The following SOX5 variants were observed in gnomAD, a reference collection of about 807,000 sequenced individuals.
SOX5 encodes the protein transcription factor SOX-5.
SOX5 carries 9 observed loss-of-function variants against 92.0 expected under a neutral mutation model. That is an observed-to-expected ratio of 0.10 (90% CI 0.06 to 0.17). SOX5 has a LOEUF of 0.17. Ranked by LOEUF, SOX5 falls within the 10% of genes least tolerant of loss-of-function variation. The pLI is 1.00. For synonymous variants in SOX5, 344 were observed against 336.3 expected (o/e 1.02, Z -0.25); for missense variants, 642 against 944.5 (o/e 0.68, Z 4.20).
chr12:24,546,397 T>A (rs1952627458), intron 1 of SOX5, among the ~76,000 whole-genome samples: 1 of 152,182 alleles, frequency 6.6e-6, no homozygotes, highest in Non-Finnish European at 1.5e-5. Flanking sequence ...CACGACAGAA[T>A]CTAGTGAGTA....
intron 4 of SOX5, among the ~76,000 whole-genome samples, chr12:24,114,573 C>CAAAAAAAAAAAAAAAAAAA (rs55913110): frequency 4.4e-4 from 18 of 40,596 alleles, no homozygotes; most frequent in African/African-American, 8.5e-4. Flanking sequence ...CACCCCGTCA[C>CAAAAAAAAAAAAAAAAAAA]AAAAAAAAAA....
At chr12:24,465,828 C>T (rs903619266) in intron 1 of SOX5, among the ~76,000 whole-genome samples, 1 of 152,190 alleles carries the variant, frequency 6.6e-6, no homozygotes, top group Non-Finnish European at 1.5e-5. Flanking sequence ...CCATCCCAAC[C>T]CCACAGAGGC....
intron 1 of SOX5, among the ~76,000 whole-genome samples, chr12:24,454,292 A>C (rs1193514009): frequency 3.9e-5 from 6 of 152,168 alleles, no homozygotes; most frequent in Admixed American, 2.0e-4. Flanking sequence ...TCACAATCCC[A>C]CTTAAGCAAG....
At chr12:24,217,996 G>C (rs1289647602) in intron 3 of SOX5, among the ~76,000 whole-genome samples, 5 of 152,198 alleles carry the variant, frequency 3.3e-5, no homozygotes, top group Non-Finnish European at 7.4e-5. Context: ...TGAGGCTATA[G>C]AGACGTGGGA....
At chr12:23,857,719 A>C (rs1309543076) in intron 2 of SOX5, among the ~76,000 whole-genome samples, 1 of 151,332 alleles carries the variant, frequency 6.6e-6, no homozygotes, top group African/African-American at 2.4e-5. Context: ...CAGTGTACTT[A>C]GGAAGTTTTT....
intron 3 of SOX5, among the ~76,000 whole-genome samples, chr12:24,234,819 G>T (rs1001455996): frequency 6.6e-6 from 1 of 152,106 alleles, no homozygotes; most frequent in Non-Finnish European, 1.5e-5. Flanking sequence ...CCCTGCCCAG[G>T]GGACCTTTAG....
At chr12:23,554,123 T>C (rs1332510133) in intron 11 of SOX5, among the ~76,000 whole-genome samples, 1 of 152,100 alleles carries the variant, frequency 6.6e-6, no homozygotes, top group African/African-American at 2.4e-5. Context: ...TTAAATCTCC[T>C]TATAATGAAT....
At chr12:24,521,422 G>T (rs949423580) in intron 1 of SOX5, among the ~76,000 whole-genome samples, 16 of 152,224 alleles carry the variant, frequency 1.1e-4, no homozygotes, top group African/African-American at 3.6e-4. Context: ...AATCAATAAA[G>T]AAAACAGCTG....
intron 2 of SOX5, among the ~76,000 whole-genome samples, chr12:23,883,274 T>A (rs1740159487): frequency 6.6e-6 from 1 of 152,132 alleles, no homozygotes; most frequent in South Asian, 2.1e-4. Flanking sequence ...CATCTCATGT[T>A]CAAGGTGAAT....
At chr12:23,659,370 G>A (rs572889092) in intron 7 of SOX5, among the ~76,000 whole-genome samples, 10 of 152,154 alleles carry the variant, frequency 6.6e-5, no homozygotes, top group South Asian at 6.2e-4. Flanking sequence ...TATTGGAAAC[G>A]GAAATACTGT....
chr12:23,859,415 T>C (rs2096729655), intron 2 of SOX5, among the ~76,000 whole-genome samples: 1 of 152,188 alleles, frequency 6.6e-6, no homozygotes. Flanking sequence ...GCAGTGCCCT[T>C]CAGGCTTACT....
At chr12:23,583,354 C>A (rs1014614726) in intron 9 of SOX5, among the ~76,000 whole-genome samples, 1 of 152,058 alleles carries the variant, frequency 6.6e-6, no homozygotes, top group Admixed American at 6.6e-5. Context: ...CTTTAACCCA[C>A]AATATCACAT....
intron 3 of SOX5, among the ~76,000 whole-genome samples, chr12:23,830,454 T>G (rs1358333412): frequency 6.6e-6 from 1 of 152,080 alleles, no homozygotes; most frequent in Non-Finnish European, 1.5e-5. Flanking sequence ...GAACAAAACT[T>G]AAAAGGGCTC....
chr12:23,941,833 C>T (rs886534548), intron 1 of SOX5, among the ~76,000 whole-genome samples: 3 of 151,362 alleles, frequency 2.0e-5, no homozygotes, highest in East Asian at 3.9e-4. Flanking sequence ...CAACATAGAC[C>T]TCTTAGAGTA....
At chr12:24,296,490 ACCAGTG>A (rs1947260975) in intron 2 of SOX5, among the ~76,000 whole-genome samples, 1 of 152,208 alleles carries the variant, frequency 6.6e-6, no homozygotes, top group Non-Finnish European at 1.5e-5. Flanking sequence ...AGGTCCTAAG[ACCAGTG>A]CCTCTTGAGC....
intron 1 of SOX5, among the ~76,000 whole-genome samples, chr12:23,916,454 A>C (rs548021257): frequency 2.8e-4 from 42 of 152,304 alleles, no homozygotes; most frequent in African/African-American, 1.0e-3. Context: ...GATAGTTTAA[A>C]CACCACCAAT....
intron 1 of SOX5, among the ~76,000 whole-genome samples, chr12:23,936,921 T>G (rs1942695676): frequency 6.6e-6 from 1 of 150,940 alleles, no homozygotes; most frequent in Non-Finnish European, 1.5e-5. Context: ...CTCAGATTAG[T>G]CACATTTCAA....
chr12:24,439,541 T>C (rs1454428987), intron 1 of SOX5, among the ~76,000 whole-genome samples: 1 of 152,186 alleles, frequency 6.6e-6, no homozygotes, highest in Admixed American at 6.5e-5. Context: ...TCATAAACTA[T>C]GTGTATAGGC....
chr12:23,953,754 C>T (rs1320898831), upstream of SOX5, among the ~76,000 whole-genome samples: 1 of 151,952 alleles, frequency 6.6e-6, no homozygotes, highest in African/African-American at 2.4e-5. Context: ...GTATGATCTA[C>T]AAGCACAGAT....
Sources: gnomAD v4.1 joint callset for allele counts (sites outside exome capture counted in the v4.1 genomes callset) on GRCh38, gnomAD v4.1.1 for gene constraint, MANE v1.5 for transcripts, NCBI Gene and HGNC (gene_info 2026-07-23, HGNC 2026-07-21) for gene names.